Variants in PHF19 observed in about 807,000 individuals in gnomAD.
PHF19 encodes the protein PHD finger protein 19, also known as polycomb like 3.
In PHF19, 21 loss-of-function variants were observed where a neutral mutation model predicts 79.8. The ratio of observed to expected loss-of-function variants is 0.26; its 90% CI spans 0.19 to 0.38. The LOEUF (loss-of-function observed/expected upper bound fraction) is 0.38. PHF19 is among the 10% of genes least tolerant of loss of function. The pLI is 1.00. For synonymous variants in PHF19, 273 were observed against 296.3 expected, an observed-to-expected ratio of 0.92 and a Z score of 0.81; for missense variants, 445 against 744.2, an observed-to-expected ratio of 0.60 and a Z score of 4.68.
rs1472469461 is a variant in PHF19 at position 120,860,154 on chromosome 9, C to T, written c.1336G>A (p.Val446Ile). 2 of 1,598,288 alleles carry T rather than the reference C, an allele frequency of 1.3e-6. No homozygotes were observed. Among genetic ancestry groups the T allele is most frequent in the South Asian group, 1.1e-5 (1 of 88,220 alleles). ...GTGCTGGCAGCGTCGGTGGAGTCGA[C>T]ATCTGAGAAGAAGGTCTGGCCTGAG... The part of the protein sequence containing the change: ...ASSGQTFFSD[V>I]DSTDAASTSG... Residue 446 changes from valine to isoleucine, a missense_variant, in exon 14 of 15, where the codon GTC (valine) becomes ATC (isoleucine). Val to Ile is a conservative substitution (Grantham distance 29). Transcript: ENST00000373896. This position sits in a 1 kb window ranked among gnomAD's most constrained non-coding sequence, Gnocchi z 4.1.
intron 1 of PHF19, among the ~76,000 whole-genome samples, chr9:120,886,174 G>T (rs1199365618): frequency 6.6e-6 from 1 of 152,230 alleles, no homozygotes; most frequent in African/African-American, 2.4e-5. Flanking sequence ...CACGGAGAGA[G>T]CCCAGCTGTG....
At chr9:120,880,288 A>C (rs905050077), upstream of PHF19, among the ~76,000 whole-genome samples, 5 of 152,246 alleles carry the variant, frequency 3.3e-5, no homozygotes, top group African/African-American at 1.2e-4. Flanking sequence ...TGAGGTCAGG[A>C]GTTTGAGACC....
At chr9:120,858,689 G>A (rs1302233496) in intron 14 of PHF19, among the ~76,000 whole-genome samples, 1 of 152,124 alleles carries the variant, frequency 6.6e-6, no homozygotes, top group Non-Finnish European at 1.5e-5. Context: ...GCAGTGCAGA[G>A]GCCCTGCTTA....
chr9:120,860,113 G>A lies in PHF19; in HGVS notation c.1377C>T (p.Ser459=), dbSNP rs61730344. The A allele has an allele frequency of 1.7e-3, 2,700 of 1,595,276 alleles. 36 individuals are homozygous for A. The African/African-American group carries it at 0.032, about 19-fold the overall frequency. Residue 459 remains serine (S), a synonymous_variant, in exon 14 of 15, where the codon TCC becomes TCT. Coordinates refer to ENST00000373896, the MANE Select transcript of PHF19 (RefSeq NM_015651.3). The surrounding 1 kb of genome is among the most constrained non-coding windows in gnomAD (Gnocchi z 4.1). The part of the protein sequence containing the change: ...TDAASTSGSA[S]TSLSYDSRWT... ...ACCTGGAGTCATAGGAGAGGCTGGT[G>A]GAGGCAGAGCCAGAGGTGCTGGCAG...
chr9:120,870,497 C>G lies in PHF19; in HGVS notation c.310G>C (p.Gly104Arg). The G allele has an allele frequency of 6.2e-7, 1 of 1,613,732 alleles. No homozygotes were observed. Among genetic ancestry groups the G allele is most frequent in the Non-Finnish European group, 8.5e-7 (1 of 1,179,582 alleles). The change falls in exon 4 of 15, where the codon GGG becomes CGG. Residue 104 changes from glycine to arginine, a missense_variant. By Grantham distance (125) the Gly-to-Arg change is moderately radical. This residue lies in a region of PHF19 where 167 missense variants were observed against 375.8 expected (regional missense o/e 0.44). Coordinates refer to ENST00000373896, the MANE Select transcript of PHF19 (RefSeq NM_015651.3). The surrounding 1 kb of genome is among the most constrained non-coding windows in gnomAD (Gnocchi z 4.4). ...TCATTCAGCGGCCCTGATGTCTTCC[C>G]TAGGCAGATGTTGCACTTGGGCTCC... ...GEEPKCNICL[G>R]KTSGPLNEIL...
At chr9:120,871,183 G>A (rs1341642266) in intron 3 of PHF19, among the ~76,000 whole-genome samples, 3 of 152,120 alleles carry the variant, frequency 2.0e-5, no homozygotes, top group South Asian at 2.1e-4. Context: ...GATTACACGC[G>A]TGAGCCACTG....
chr9:120,877,144 G>T lies in PHF19; in HGVS notation c.-69C>A. 1.0e-6 allele frequency: 1 copy of T among 984,990 alleles called. No homozygotes were observed. The highest frequency in any genetic ancestry group is 1.2e-6 in the Non-Finnish European group (1 of 829,788). The allele number at this position is 984,990 out of a possible 1,614,324, so 61.0% of individuals were successfully genotyped here. On this transcript the variant is annotated 5_prime_UTR_variant, in exon 1 of 15. Coordinates refer to ENST00000373896, the MANE Select transcript of PHF19 (RefSeq NM_015651.3). Reference sequence around the variant, plus strand: ...TTGGAGTCTGGCCACCAGGCGCATCGGTGGCGGAGGCGGCTGCGCTCGGCC... The same window carrying T: ...TTGGAGTCTGGCCACCAGGCGCATCTGTGGCGGAGGCGGCTGCGCTCGGCC...
At chr9:120,892,398 G>A (rs2046353975) in intron 1 of PHF19, among the ~76,000 whole-genome samples, 1 of 152,146 alleles carries the variant, frequency 6.6e-6, no homozygotes. Context: ...TGTGCCGTAC[G>A]TGCAATTGGG....
chr9:120,867,552 T>G (rs556008542), intron 6 of PHF19, among the ~76,000 whole-genome samples: 7 of 152,356 alleles, frequency 4.6e-5, no homozygotes, highest in Non-Finnish European at 7.3e-5. Context: ...GCAGATTCCT[T>G]GGTCCACTGC....
At position 120,857,872 on chromosome 9, in the gene PHF19, A is replaced by G; in HGVS notation, c.*72T>C. On this transcript the variant is annotated 3_prime_UTR_variant, in exon 15 of 15. Coordinates refer to ENST00000373896, the MANE Select transcript of PHF19 (RefSeq NM_015651.3). ...TTCCTTCTCCCACCCCAGCCTGGAG[A>G]AAGCTGGGGAGCCTATGGCTTCTGC... is the stretch of plus-strand genomic sequence containing the variant. 1.1e-6 allele frequency: 1 copy of G among 878,730 alleles called. No individual in the cohort carries two copies. The highest frequency in any genetic ancestry group is 1.7e-6 in the Non-Finnish European group (1 of 579,196). 54.4% of individuals were successfully genotyped at this position (878,730 alleles called of 1,614,324 possible).
At chr9:120,888,005 G>T (rs1430057417) in intron 1 of PHF19, among the ~76,000 whole-genome samples, 1 of 151,952 alleles carries the variant, frequency 6.6e-6, no homozygotes, top group South Asian at 2.1e-4. Flanking sequence ...GTCCCCACAC[G>T]TCTGTCGCCC....
Position 120,866,176 on chromosome 9 carries a change from A to T in PHF19, c.711-80T>A, listed in dbSNP as rs1564498451. On this transcript the variant is annotated intron_variant, in intron 7 of 14. Coordinates refer to ENST00000373896, the MANE Select transcript of PHF19 (RefSeq NM_015651.3). The surrounding 1 kb of genome is among the most constrained non-coding windows in gnomAD (Gnocchi z 5.2). ...CCCAGTCCAGCCCCTTGATCTCCTC[A>T]TTCCCCACCTACCTTCCCATAATCT... The T allele has an allele frequency of 1.0e-6, 1 of 989,210 alleles. No homozygotes were observed. 61.3% of individuals were successfully genotyped at this position (989,210 alleles called of 1,614,324 possible). A position where few individuals can be genotyped will look rare whatever the true frequency, so the allele number is the denominator to read the frequency against.
Position 120,860,196 on chromosome 9 carries a change from C to G in PHF19, c.1305-11G>C. ...TGGCCTGAGCTGGCACTGAGAGGGG[C>G]AAGACCGTGAGCCTGCTGGTGGCCC... On this transcript the variant is annotated splice_polypyrimidine_tract_variant and intron_variant, in intron 13 of 14. Coordinates refer to ENST00000373896, the MANE Select transcript of PHF19 (RefSeq NM_015651.3). This position sits in a 1 kb window ranked among gnomAD's most constrained non-coding sequence, Gnocchi z 4.1. 6.6e-7 allele frequency: 1 copy of G among 1,521,744 alleles called. No individual in the cohort carries two copies. Among genetic ancestry groups the G allele is most frequent in the East Asian group, 2.3e-5 (1 of 42,982 alleles). 94.3% of individuals were successfully genotyped at this position (1,521,744 alleles called of 1,614,324 possible).
chr9:120,868,813 T>G (rs899450865), intron 6 of PHF19: 12 of 997,744 alleles, frequency 1.2e-5, no homozygotes, highest in Middle Eastern at 4.9e-4. Flanking sequence ...CTCACCTCCC[T>G]GGGGCCCTGC....
intron 1 of PHF19, among the ~76,000 whole-genome samples, chr9:120,887,346 T>C (rs904785111): frequency 6.6e-6 from 1 of 150,400 alleles, no homozygotes; most frequent in East Asian, 2.0e-4. Flanking sequence ...CCCAGCTACT[T>C]GCGAGGCTGA....
chr9:120,877,277 G>A, upstream of PHF19: 1 of 929,472 alleles, frequency 1.1e-6, no homozygotes, highest in African/African-American at 1.8e-5. Flanking sequence ...GCGGAGGGAG[G>A]GGCCGGGGCG....
At chr9:120,880,895 G>A (rs528458929), upstream of PHF19, among the ~76,000 whole-genome samples, 3 of 151,526 alleles carry the variant, frequency 2.0e-5, no homozygotes, top group Non-Finnish European at 4.4e-5. Flanking sequence ...AGGAGTTTGA[G>A]GCCACAGTAA....
intron 9 of PHF19, among the ~76,000 whole-genome samples, chr9:120,865,091 G>T (rs548439698): frequency 1.3e-5 from 2 of 152,126 alleles, no homozygotes; most frequent in Non-Finnish European, 2.9e-5. Flanking sequence ...AAGCATAAAG[G>T]TTATTCTTTT....
rs1312616055 is a variant in PHF19, at chr9:120,864,237, GACTC to G, written c.901-125_901-122del. 3 of 778,164 alleles carry G rather than the reference GACTC, an allele frequency of 3.9e-6. No individual in the cohort carries two copies. The East Asian group carries it at 8.0e-5, about 21-fold the overall frequency. 48.2% of individuals were successfully genotyped at this position (778,164 alleles called of 1,614,324 possible). A position where few individuals can be genotyped will look rare whatever the true frequency, so the allele number is the denominator to read the frequency against. Reference sequence around the variant, plus strand: ...CTGAGTCCTTCAGGTGAGGACCACTGACTCACTCCAGGATCTCAGAAAAGCCTTT... The same window carrying G: ...CTGAGTCCTTCAGGTGAGGACCACTGACTCCAGGATCTCAGAAAAGCCTTT... On this transcript the variant is annotated intron_variant, in intron 9 of 14. Coordinates refer to ENST00000373896, the MANE Select transcript of PHF19 (RefSeq NM_015651.3).
Sources: gnomAD v4.1 joint callset for allele counts (sites outside exome capture counted in the v4.1 genomes callset) on GRCh38, gnomAD v4.1.1 for gene constraint, gnomAD v4.1.1 regional missense constraint, Gnocchi (gnomAD v3.1) non-coding constraint, MANE v1.5 for transcripts, NCBI Gene and HGNC (gene_info 2026-07-23, HGNC 2026-07-21) for gene names.